The following TMEM232 variants were observed in gnomAD, a reference collection of about 807,000 sequenced individuals.
The protein encoded by TMEM232 is transmembrane protein 232.
Under a neutral mutation model 78.8 loss-of-function variants are expected in TMEM232, and 80 were observed. That is an observed-to-expected ratio of 1.01 (90% CI 0.85 to 1.22). TMEM232 has a LOEUF of 1.22. TMEM232 is among the 50% of genes most tolerant of loss of function. The pLI is 0.00. For missense variants in TMEM232, 881 were observed against 742.2 expected (o/e 1.19, Z -2.17); for synonymous variants, 297 against 254.3 (o/e 1.17, Z -1.60).
chr5:110,429,734 T>C (rs1280674417), intron 12 of TMEM232, among the ~76,000 whole-genome samples: 3 of 151,814 alleles, frequency 2.0e-5, no homozygotes, highest in African/African-American at 7.2e-5. Flanking sequence ...ATCCCACTTT[T>C]TGAGGAAAAC....
chr5:110,529,301 A>T (rs1771079823), intron 11 of TMEM232, among the ~76,000 whole-genome samples: 1 of 151,836 alleles, frequency 6.6e-6, no homozygotes, highest in Non-Finnish European at 1.5e-5. Context: ...ACTGGAGTGC[A>T]GTGGCACAAT....
chr5:110,587,652 G>A (rs1778974867), intron 10 of TMEM232, among the ~76,000 whole-genome samples: 1 of 109,652 alleles, frequency 9.1e-6, no homozygotes. Context: ...TGGTTTCATG[G>A]GTACATGTAT....
chr5:110,700,823 T>TAGAA (rs1795359507), intron 1 of TMEM232, among the ~76,000 whole-genome samples: 1 of 150,524 alleles, frequency 6.6e-6, no homozygotes, highest in Non-Finnish European at 1.5e-5. Flanking sequence ...GATAGATAGA[T>TAGAA]AGATATAATA....
At chr5:110,552,293 G>GA (rs1351926108) in intron 11 of TMEM232, among the ~76,000 whole-genome samples, 1 of 151,662 alleles carries the variant, frequency 6.6e-6, no homozygotes, top group Non-Finnish European at 1.5e-5. Context: ...ACTAATAGAG[G>GA]AAAAAATACA....
At chr5:110,552,860 T>C (rs1774633358) in intron 11 of TMEM232, among the ~76,000 whole-genome samples, 1 of 152,178 alleles carries the variant, frequency 6.6e-6, no homozygotes, top group African/African-American at 2.4e-5. Flanking sequence ...TGCTAGGGTT[T>C]TTATAGCTTT....
intron 12 of TMEM232, among the ~76,000 whole-genome samples, chr5:110,523,626 G>C (rs1185288624): frequency 1.3e-5 from 2 of 151,620 alleles, no homozygotes; most frequent in East Asian, 1.9e-4. Context: ...ATTATTCTTT[G>C]AAACAAGGGC....
At chr5:110,654,196 T>C (rs796844266) in intron 2 of TMEM232, among the ~76,000 whole-genome samples, 9 of 152,334 alleles carry the variant, frequency 5.9e-5, no homozygotes, top group African/African-American at 1.9e-4. Flanking sequence ...CCCCTGGCCA[T>C]TGCTGATTTT....
At chr5:110,689,848 T>G (rs1793881292) in intron 1 of TMEM232, among the ~76,000 whole-genome samples, 1 of 152,178 alleles carries the variant, frequency 6.6e-6, no homozygotes, top group Non-Finnish European at 1.5e-5. Flanking sequence ...TACAACCATC[T>G]GATCTTTGAC....
chr5:110,716,770 C>T (rs1323947484), intron 1 of TMEM232, among the ~76,000 whole-genome samples: 1 of 152,118 alleles, frequency 6.6e-6, no homozygotes, highest in Non-Finnish European at 1.5e-5. Flanking sequence ...CCAACTAAAC[C>T]TTAGTCCTAA....
At chr5:110,646,090 AC>A (rs1460933655) in intron 2 of TMEM232, among the ~76,000 whole-genome samples, 1 of 151,680 alleles carries the variant, frequency 6.6e-6, no homozygotes, top group African/African-American at 2.4e-5. Context: ...CCTGTAAAAA[AC>A]AAAGAAGACA....
intron 2 of TMEM232, among the ~76,000 whole-genome samples, chr5:110,400,571 G>A (rs903986524): frequency 3.3e-5 from 5 of 152,016 alleles, no homozygotes; most frequent in African/African-American, 1.2e-4. Context: ...CTGCTTCAGT[G>A]TCTCAGTGGG....
chr5:110,713,607 GA>G, intron 1 of TMEM232, among the ~76,000 whole-genome samples: 1 of 152,012 alleles, frequency 6.6e-6, no homozygotes, highest in East Asian at 1.9e-4. Flanking sequence ...TTCAAAATTT[GA>G]AAAACAAAAT....
At chr5:110,619,581 T>G in intron 7 of TMEM232, among the ~76,000 whole-genome samples, 1 of 152,146 alleles carries the variant, frequency 6.6e-6, no homozygotes, top group Non-Finnish European at 1.5e-5. Context: ...TTGACAGTGT[T>G]AGAACACACC....
At chr5:110,447,826 G>A (rs1056988208) in intron 12 of TMEM232, among the ~76,000 whole-genome samples, 1 of 151,996 alleles carries the variant, frequency 6.6e-6, no homozygotes, top group African/African-American at 2.4e-5. Flanking sequence ...TCAGTGATAT[G>A]GATTGCCAAT....
At chr5:110,429,833 C>T (rs142295379) in intron 12 of TMEM232, 2 of 151,892 alleles carry the variant, frequency 1.3e-5, no homozygotes, top group East Asian at 3.9e-4. Context: ...TGACCTCTCA[C>T]TGATTTCAAA....
At chr5:110,736,484 T>C (rs1473860319) in intron 1 of TMEM232, among the ~76,000 whole-genome samples, 1 of 152,188 alleles carries the variant, frequency 6.6e-6, no homozygotes, top group Admixed American at 6.5e-5. Context: ...TTGTGTATCT[T>C]TAGTAGAATT....
chr5:110,621,548 A>G (rs1561401847), intron 7 of TMEM232, among the ~76,000 whole-genome samples: 1 of 152,122 alleles, frequency 6.6e-6, no homozygotes, highest in Non-Finnish European at 1.5e-5. Context: ...CATTATTATT[A>G]TATTTTACAA....
chr5:110,461,545 G>A (rs1372811669), intron 12 of TMEM232, among the ~76,000 whole-genome samples: 1 of 152,216 alleles, frequency 6.6e-6, no homozygotes, highest in African/African-American at 2.4e-5. Flanking sequence ...GATAATTGAT[G>A]AAGGTGGCTA....
At chr5:110,598,799 G>A (rs1780513755) in intron 10 of TMEM232, among the ~76,000 whole-genome samples, 1 of 143,776 alleles carries the variant, frequency 7.0e-6, no homozygotes, top group Admixed American at 7.4e-5. Flanking sequence ...CTCATAGATG[G>A]GAATTGAACA....
Sources: allele counts gnomAD v4.1 joint callset (sites outside exome capture counted in the v4.1 genomes callset), GRCh38; gene constraint gnomAD v4.1.1; transcripts MANE v1.5; gene names NCBI Gene and HGNC (gene_info 2026-07-23, HGNC 2026-07-21).